Variants in CALN1 observed in about 807,000 individuals in gnomAD.
CALN1 encodes calcium-binding protein 8.
Under a neutral mutation model 30.6 loss-of-function variants are expected in CALN1, and 17 were observed. That is an observed-to-expected ratio of 0.56 (90% CI 0.38 to 0.83). The LOEUF (loss-of-function observed/expected upper bound fraction) is 0.83. CALN1 is among the 40% of genes least tolerant of loss of function. The pLI is 0.00. For missense variants in CALN1, 291 were observed against 354.9 expected (o/e 0.82, Z 1.45); for synonymous variants, 156 against 131.4 (o/e 1.19, Z -1.28).
intron 3 of CALN1, among the ~76,000 whole-genome samples, chr7:72,187,694 C>T (rs6954622): frequency 0.24 from 35,752 of 152,092 alleles, 4,637 homozygotes; most frequent in Middle Eastern, 0.35. Context: ...AGGTGATAGA[C>T]CCATTTTGCA....
intron 3 of CALN1, among the ~76,000 whole-genome samples, chr7:72,138,443 A>G (rs1418930328): frequency 2.6e-5 from 4 of 152,210 alleles, no homozygotes; most frequent in Non-Finnish European, 4.4e-5. Flanking sequence ...GAAGCCTCAG[A>G]GTAGAAATCT....
At chr7:72,282,317 G>A (rs1311880809) in intron 2 of CALN1, among the ~76,000 whole-genome samples, 1 of 152,210 alleles carries the variant, frequency 6.6e-6, no homozygotes, top group Admixed American at 6.5e-5. Context: ...TTCACTCACT[G>A]TGAAATATTT....
chr7:71,991,341 C>T (rs1798941084), intron 5 of CALN1, among the ~76,000 whole-genome samples: 1 of 151,992 alleles, frequency 6.6e-6, no homozygotes, highest in South Asian at 2.1e-4. Context: ...TGCCTGTAAT[C>T]CCAGCTACTC....
At chr7:72,210,758 G>T (rs1386843999) in intron 3 of CALN1, among the ~76,000 whole-genome samples, 3 of 151,988 alleles carry the variant, frequency 2.0e-5, no homozygotes, top group Non-Finnish European at 4.4e-5. Context: ...CATGATTATG[G>T]GGATTACAAT....
the CALN1 span, among the ~76,000 whole-genome samples, chr7:72,467,388 A>G: frequency 4.6e-5 from 7 of 152,194 alleles, no homozygotes. Context: ...CTAGGCTGTC[A>G]GCTCGGGCTG....
chr7:71,851,883 G>A (rs1216599422), intron 5 of CALN1, among the ~76,000 whole-genome samples: 1 of 152,132 alleles, frequency 6.6e-6, no homozygotes, highest in Non-Finnish European at 1.5e-5. Flanking sequence ...TTAAGAACAA[G>A]CAGTTAATTA....
intron 2 of CALN1, chr7:72,336,626 A>G (rs2129558518): frequency 1.1e-6 from 1 of 923,146 alleles, no homozygotes; most frequent in South Asian, 5.0e-5. Flanking sequence ...TGGACACCCT[A>G]GAGAGAAGCG....
At chr7:72,408,263 TCTC>T (rs1806839969) in intron 1 of CALN1, among the ~76,000 whole-genome samples, 1 of 117,410 alleles carries the variant, frequency 8.5e-6, no homozygotes, top group African/African-American at 3.4e-5. Context: ...TGAAACCCCA[TCTC>T]TATTAAAAAA....
At chr7:72,436,553 G>A (rs1562968155) in intron 1 of CALN1, among the ~76,000 whole-genome samples, 1 of 152,190 alleles carries the variant, frequency 6.6e-6, no homozygotes, top group South Asian at 2.1e-4. Flanking sequence ...TGACTAGGAG[G>A]TGAAATGGTG....
At chr7:72,079,036 C>T (rs1177927574) in intron 4 of CALN1, among the ~76,000 whole-genome samples, 5 of 152,158 alleles carry the variant, frequency 3.3e-5, no homozygotes, top group South Asian at 2.1e-4. Context: ...TTGCTTTACT[C>T]GGCTGCTGCA....
chr7:72,136,034 G>A (rs1300971157), intron 3 of CALN1, among the ~76,000 whole-genome samples: 2 of 152,046 alleles, frequency 1.3e-5, no homozygotes, highest in African/African-American at 2.4e-5. Flanking sequence ...TTGGGAGGCT[G>A]AGGCAGGGAG....
chr7:72,339,671 C>T (rs983943165), intron 2 of CALN1, among the ~76,000 whole-genome samples: 1 of 152,204 alleles, frequency 6.6e-6, no homozygotes, highest in Non-Finnish European at 1.5e-5. Context: ...AATGGACTCA[C>T]AGTTCCACAT....
At chr7:71,872,669 A>G (rs11771138) in intron 5 of CALN1, among the ~76,000 whole-genome samples, 37,138 of 150,108 alleles carry the variant, frequency 0.25, 4,910 homozygotes, top group African/African-American at 0.32. Context: ...GCTGGAGTGC[A>G]GTGGTGTGAT....
chr7:71,828,664 A>G (rs1322313734), intron 5 of CALN1, among the ~76,000 whole-genome samples: 1 of 149,620 alleles, frequency 6.7e-6, no homozygotes, highest in African/African-American at 2.4e-5. Flanking sequence ...ACATATATAT[A>G]TATATGTAAG....
chr7:71,933,110 G>A (rs1032990404), intron 5 of CALN1, among the ~76,000 whole-genome samples: 4 of 103,312 alleles, frequency 3.9e-5, no homozygotes, highest in Non-Finnish European at 4.7e-5. Context: ...AGCTTGCATG[G>A]GTGAATGCCA....
In CALN1 at chr7:71,819,210, CTTT is replaced by C. The variant is rs113567992; in HGVS notation, c.502-8721_502-8719del. 3.8e-3 allele frequency among the ~76,000 whole-genome samples: 516 copies of C among 137,414 alleles called. 4 individuals carry two copies. Among genetic ancestry groups the C allele is most frequent in the African/African-American group, 0.013 (473 of 37,774 alleles). The allele number at this position is 137,414 out of a possible 152,430, so 90.1% of individuals were successfully genotyped here. ...ATAACTAAAAATTTACTATTTTATT[CTTT>C]TTTTTTTTTTTTGAGACAGGGTTTC... On this transcript the variant is annotated intron_variant, in intron 5 of 6. Transcript: ENST00000395275.
chr7:72,485,943 T>C, the CALN1 span, among the ~76,000 whole-genome samples: 1 of 152,178 alleles, frequency 6.6e-6, no homozygotes, highest in African/African-American at 2.4e-5. Flanking sequence ...ACAGTGAGCA[T>C]ATGTTCTTTT....
At chr7:72,074,892 G>A (rs2867567) in intron 4 of CALN1, among the ~76,000 whole-genome samples, 34,494 of 152,126 alleles carry the variant, frequency 0.23, 4,853 homozygotes, top group East Asian at 0.69. Context: ...ATCACACTTC[G>A]AAGAAGTTAA....
At chr7:72,238,158 A>C (rs1024035552) in intron 3 of CALN1, among the ~76,000 whole-genome samples, 3 of 152,220 alleles carry the variant, frequency 2.0e-5, no homozygotes, top group African/African-American at 7.2e-5. Flanking sequence ...TTGCTCAGGA[A>C]TAATACTCTT....
Sources: allele counts gnomAD v4.1 joint callset (sites outside exome capture counted in the v4.1 genomes callset), GRCh38; gene constraint gnomAD v4.1.1; transcripts MANE v1.5; gene names NCBI Gene and HGNC (gene_info 2026-07-23, HGNC 2026-07-21).